The following CDYL variants were observed in gnomAD, a reference collection of about 807,000 sequenced individuals.
The protein encoded by CDYL is chromodomain Y like, also known as chromodomain Y-like protein.
CDYL carries 8 observed loss-of-function variants against 47.3 expected under a neutral mutation model. That is an observed-to-expected ratio of 0.17 (90% CI 0.10 to 0.31). The LOEUF (loss-of-function observed/expected upper bound fraction) is 0.31, where lower values mean the gene tolerates loss of function less well. Ranked by LOEUF, CDYL falls within the 10% of genes least tolerant of loss-of-function variation. The probability of loss-of-function intolerance (pLI) is 1.00; values close to 1 mark genes in which losing one functional copy is unlikely to be tolerated. For missense variants in CDYL, 471 were observed against 701.4 expected (o/e 0.67, Z 3.71); for synonymous variants, 266 against 265.0 (o/e 1.00, Z -0.04).
intron 1 of CDYL, among the ~76,000 whole-genome samples, chr6:4,863,023 A>T (rs1761217496): frequency 6.6e-6 from 1 of 152,244 alleles, no homozygotes; most frequent in African/African-American, 2.4e-5. Flanking sequence ...ATACCCCCAT[A>T]AAAAAGAATG....
At position 4,930,710 on chromosome 6, in the gene CDYL, T is replaced by C. The variant is rs189467330; in HGVS notation, c.692-4805T>C. Reference sequence around the variant, plus strand: ...TTTGAAGCAGTGATATTTAACAGATTTGCCATATGTATTTGAGGATATCCT... The same window carrying C: ...TTTGAAGCAGTGATATTTAACAGATCTGCCATATGTATTTGAGGATATCCT... On this transcript the variant is annotated intron_variant, in intron 2 of 6. Coordinates refer to ENST00000397588, the MANE Select transcript of CDYL (RefSeq NM_004824.4). Among the ~76,000 whole-genome samples the C allele has an allele frequency of 2.8e-3, 421 of 152,370 alleles. 2 individuals are homozygous for C. The highest frequency in any genetic ancestry group is 1.6e-3 in the Non-Finnish European group (106 of 68,034).
rs561301715 is a variant in CDYL, at chr6:4,829,124, ATTTC to A, written c.24+52321_24+52324del. Among the ~76,000 whole-genome samples, 523 of 151,882 alleles carry A rather than the reference ATTTC, an allele frequency of 3.4e-3. 11 individuals are homozygous for A. Among genetic ancestry groups the A allele is most frequent in the Non-Finnish European group, 8.8e-4 (60 of 67,930 alleles). On this transcript the variant is annotated intron_variant, in intron 1 of 6. Transcript: ENST00000397588. ...TATTTTGAATGAATTGTACTTCCCT[ATTTC>A]TTTATATGCTTTGTGGGGTTTTTGT... is the stretch of plus-strand genomic sequence containing the variant.
chr6:4,816,549 T>C (rs1269577594), intron 1 of CDYL, among the ~76,000 whole-genome samples: 5 of 149,258 alleles, frequency 3.3e-5, no homozygotes, highest in African/African-American at 1.2e-4. Context: ...AAGGCTAGAG[T>C]GCACAGTAGC....
intron 1 of CDYL, among the ~76,000 whole-genome samples, chr6:4,787,613 T>TAACGAAAGTCAACAGAAAAGAA (rs1758789338): frequency 6.6e-6 from 1 of 152,014 alleles, no homozygotes; most frequent in Non-Finnish European, 1.5e-5. Flanking sequence ...CCCAGGAACC[T>TAACGAAAGTCAACAGAAAAGAA]AACGAAAGTC....
At chr6:4,871,871 G>A (rs551030342) in intron 1 of CDYL, among the ~76,000 whole-genome samples, 6 of 152,236 alleles carry the variant, frequency 3.9e-5, no homozygotes, top group South Asian at 2.1e-4. Flanking sequence ...CTAATATTCC[G>A]CATTGGCATT....
At chr6:4,953,767 G>T in intron 6 of CDYL, 131 bp from the exon 7 acceptor site, 1 of 825,898 alleles carries the variant, frequency 1.2e-6, no homozygotes, top group Non-Finnish European at 1.9e-6. Flanking sequence ...CATATTGTGA[G>T]AAAATGTCTG....
intron 2 of CDYL, among the ~76,000 whole-genome samples, chr6:4,729,227 C>T (rs1757562861): frequency 6.6e-6 from 1 of 152,112 alleles, no homozygotes. Flanking sequence ...TGAAATTCCC[C>T]CAAACAGACT....
chr6:4,877,164 G>A (rs779613918), intron 1 of CDYL, among the ~76,000 whole-genome samples: 1 of 152,136 alleles, frequency 6.6e-6, no homozygotes, highest in Non-Finnish European at 1.5e-5. Flanking sequence ...TGTTATAGTG[G>A]TCCAAATAGA....
chr6:4,842,036 ATT>A (rs1454805822), intron 1 of CDYL, among the ~76,000 whole-genome samples: 1 of 144,792 alleles, frequency 6.9e-6, no homozygotes, highest in Non-Finnish European at 1.5e-5. Flanking sequence ...GTAATATATA[ATT>A]TATATATATT....
At chr6:4,855,135 T>C (rs1026162690) in intron 1 of CDYL, among the ~76,000 whole-genome samples, 1 of 152,208 alleles carries the variant, frequency 6.6e-6, no homozygotes, top group East Asian at 1.9e-4. Flanking sequence ...TATAGATAGA[T>C]TGGAGGATGG....
chr6:4,908,482 A>T (rs1362342899), intron 2 of CDYL, among the ~76,000 whole-genome samples: 1 of 152,192 alleles, frequency 6.6e-6, no homozygotes. Flanking sequence ...TAGTTTGCTC[A>T]GCCTTTAGCT....
At chr6:4,737,372 G>A (rs1412934065) in intron 3 of CDYL, among the ~76,000 whole-genome samples, 1 of 122,840 alleles carries the variant, frequency 8.1e-6, no homozygotes, top group Non-Finnish European at 1.8e-5. Context: ...ATTAAAAGGG[G>A]CCAGGCGCAG....
At chr6:4,952,477 C>T (rs2127530523) in intron 6 of CDYL, 68 bp downstream of exon 6, 1 of 1,526,628 alleles carries the variant, frequency 6.6e-7, no homozygotes, top group Non-Finnish European at 8.9e-7. Flanking sequence ...AGAGAGCTCA[C>T]AAATTTGCAA....
At chr6:4,800,115 A>G (rs1285843636) in intron 1 of CDYL, among the ~76,000 whole-genome samples, 1 of 152,168 alleles carries the variant, frequency 6.6e-6, no homozygotes, top group Non-Finnish European at 1.5e-5. Context: ...CGGATAGTCC[A>G]TGCTTTTTAA....
At chr6:4,897,203 C>T (rs1762309939) in intron 2 of CDYL, among the ~76,000 whole-genome samples, 2 of 152,230 alleles carry the variant, frequency 1.3e-5, no homozygotes, top group African/African-American at 4.8e-5. Context: ...AATTCATCAT[C>T]ATTCCGTAAG....
chr6:4,755,031 T>A (rs1397675674), intron 3 of CDYL, among the ~76,000 whole-genome samples: 4 of 147,056 alleles, frequency 2.7e-5, no homozygotes, highest in Admixed American at 2.0e-4. Context: ...CTGTTTGTTG[T>A]TGTTGTTGTT....
At chr6:4,806,872 C>T (rs1348570072) in intron 1 of CDYL, among the ~76,000 whole-genome samples, 3 of 152,210 alleles carry the variant, frequency 2.0e-5, no homozygotes, top group Non-Finnish European at 4.4e-5. Flanking sequence ...TAATAAAATA[C>T]ACAAACCAAG....
At chr6:4,773,274 G>A (rs1452082465), upstream of CDYL, 2 of 453,402 alleles carry the variant, frequency 4.4e-6, no homozygotes, top group Non-Finnish European at 8.9e-6. The surrounding 1 kb of genome is among the most constrained non-coding windows in gnomAD (Gnocchi z 4.6). Flanking sequence ...AGAGTCATAT[G>A]TCTTACTAGT....
intron 1 of CDYL, among the ~76,000 whole-genome samples, chr6:4,847,567 T>G (rs896405657): frequency 8.5e-5 from 13 of 152,210 alleles, no homozygotes; most frequent in Non-Finnish European, 1.6e-4. Flanking sequence ...TAACAGTCTT[T>G]CCATTGTTTC....
Sources: gnomAD v4.1 joint callset for allele counts (sites outside exome capture counted in the v4.1 genomes callset) on GRCh38, gnomAD v4.1.1 for gene constraint, Gnocchi (gnomAD v3.1) non-coding constraint, MANE v1.5 for transcripts, NCBI Gene and HGNC (gene_info 2026-07-23, HGNC 2026-07-21) for gene names.